Variants in MCF2L observed in about 807,000 individuals in gnomAD.
The protein encoded by MCF2L is guanine nucleotide exchange factor DBS.
MCF2L carries 97 observed loss-of-function variants against 153.4 expected under a neutral mutation model. The observed-to-expected ratio is 0.63, with a 90% CI of 0.54 to 0.75. The LOEUF (loss-of-function observed/expected upper bound fraction) is 0.75, where lower values mean the gene tolerates loss of function less well. Among genes scored for constraint, MCF2L ranks in the 30% least tolerant of loss-of-function variants. MCF2L has a pLI of 0.00. For missense variants in MCF2L, 1,347 were observed against 1,495.2 expected, an observed-to-expected ratio of 0.90 and a Z score of 1.64; for synonymous variants, 659 against 632.2, an observed-to-expected ratio of 1.04 and a Z score of -0.64.
chr13:112,987,345 C>T (rs1183469034), intron 1 of MCF2L, among the ~76,000 whole-genome samples: 1 of 61,942 alleles, frequency 1.6e-5, no homozygotes, highest in African/African-American at 4.8e-5. Flanking sequence ...TCGTTGTCTG[C>T]CCCCTGATCC....
At chr13:113,016,378 C>T (rs530782081) in intron 2 of MCF2L, among the ~76,000 whole-genome samples, 2 of 152,166 alleles carry the variant, frequency 1.3e-5, no homozygotes, top group African/African-American at 2.4e-5. Flanking sequence ...GCCAGGAACC[C>T]GGGGCCTCAA....
At chr13:113,095,623 G>C (rs1404223587) in intron 27 of MCF2L, 11 of 993,202 alleles carry the variant, frequency 1.1e-5, no homozygotes, top group Non-Finnish European at 1.3e-5. Flanking sequence ...TCATGTGAGA[G>C]CAGGTGGCCC....
At position 112,993,729 on chromosome 13, in the gene MCF2L, G is replaced by A. The variant is rs150596715; in HGVS notation, c.80-21034G>A. Among the ~76,000 whole-genome samples the A allele has an allele frequency of 0.012, 1,794 of 152,186 alleles. 35 individuals carry two copies. Among genetic ancestry groups the A allele is most frequent in the African/African-American group, 0.041 (1,718 of 41,480 alleles). Reference sequence around the variant, plus strand: ...AGTCAAGAGAGACTTCAGAGGGAGAGGTTAGGTGATCCCATCCCATTTTAG... The same window carrying A: ...AGTCAAGAGAGACTTCAGAGGGAGAAGTTAGGTGATCCCATCCCATTTTAG... On this transcript the variant is annotated intron_variant, in intron 1 of 29. Coordinates refer to ENST00000535094, the MANE Select transcript of MCF2L (RefSeq NM_001112732.3). This position sits in a 1 kb window ranked among gnomAD's most constrained non-coding sequence, Gnocchi z 4.6.
intron 1 of MCF2L, chr13:112,985,293 C>A (rs1772130705): frequency 4.8e-6 from 2 of 414,142 alleles, no homozygotes; most frequent in African/African-American, 2.0e-5. Flanking sequence ...TTTTAGGGGA[C>A]AAAGTTCAGC....
chr13:113,025,905 G>A (rs796453664), intron 3 of MCF2L, among the ~76,000 whole-genome samples: 845 of 51,002 alleles, frequency 0.017, 28 homozygotes, highest in Middle Eastern at 0.036. Context: ...TTTCCCCATT[G>A]TGGGGTCCCC....
At chr13:112,899,666 C>T (rs1395166361) in intron 1 of MCF2L, among the ~76,000 whole-genome samples, 2 of 152,192 alleles carry the variant, frequency 1.3e-5, no homozygotes, top group Admixed American at 1.3e-4. Flanking sequence ...CCCAAGACTC[C>T]TGGCCCCAGG....
chr13:112,976,436 C>T lies in MCF2L; in HGVS notation c.79+6978C>T, dbSNP rs911108505. On this transcript the variant is annotated intron_variant, in intron 1 of 29. Coordinates refer to ENST00000535094, the MANE Select transcript of MCF2L (RefSeq NM_001112732.3). Reference sequence around the variant, plus strand: ...TGTAAGAATGCCTTATCTTTTAAAACGAAACTTGTCATGGACAATGAAGAG... The same window carrying T: ...TGTAAGAATGCCTTATCTTTTAAAATGAAACTTGTCATGGACAATGAAGAG... Among the ~76,000 whole-genome samples the T allele has an allele frequency of 5.3e-5, 8 of 152,314 alleles. No homozygotes were observed. In the East Asian group the frequency reaches 1.3e-3, roughly 26 times the overall value.
At position 113,035,034 on chromosome 13, in the gene MCF2L, C is replaced by A. The variant is rs1210614948; in HGVS notation, c.279-10237C>A. Among the ~76,000 whole-genome samples, 3 of 152,324 alleles carry A rather than the reference C, an allele frequency of 2.0e-5. No individual in the cohort carries two copies. Among genetic ancestry groups the A allele is most frequent in the South Asian group, 2.1e-4 (1 of 4,828 alleles). On this transcript the variant is annotated intron_variant, in intron 3 of 29. Transcript: ENST00000535094. The surrounding 1 kb of genome is among the most constrained non-coding windows in gnomAD (Gnocchi z 4.4). The stretch of plus-strand genomic sequence containing the variant: ...GGCGGGAAAAGGAGGAAGAGCATGG[C>A]CCCCGTGAAGCCCCTCGGGAGGAAG...
chr13:112,983,895 A>G lies in MCF2L; in HGVS notation c.79+14437A>G, dbSNP rs551997882. Among the ~76,000 whole-genome samples the G allele has an allele frequency of 6.6e-6, 1 of 152,346 alleles. No homozygotes were observed. The highest frequency in any genetic ancestry group is 2.4e-5 in the African/African-American group (1 of 41,578). On this transcript the variant is annotated intron_variant, in intron 1 of 29. Coordinates refer to ENST00000535094, the MANE Select transcript of MCF2L (RefSeq NM_001112732.3). This position sits in a 1 kb window ranked among gnomAD's most constrained non-coding sequence, Gnocchi z 4.0. ...GCACTGAAAAGAGCCCCTTTGGGTT[A>G]GGAGGCAGGTGGACTTCCACTCACA...
intron 2 of MCF2L, among the ~76,000 whole-genome samples, chr13:112,964,034 G>T (rs2081863798): frequency 6.6e-6 from 1 of 151,984 alleles, no homozygotes; most frequent in South Asian, 2.1e-4. Flanking sequence ...ACTGAGAGAG[G>T]TTGGGTTAAC....
At chr13:113,024,409 G>C (rs1594715716) in intron 2 of MCF2L, among the ~76,000 whole-genome samples, 2 of 152,208 alleles carry the variant, frequency 1.3e-5, no homozygotes, top group South Asian at 4.1e-4. Flanking sequence ...CACGGTAGCT[G>C]TCCCATGGTG....
chr13:113,033,181 G>T (rs1190354342), intron 3 of MCF2L, among the ~76,000 whole-genome samples: 2 of 111,594 alleles, frequency 1.8e-5, no homozygotes, highest in Non-Finnish European at 3.7e-5. Context: ...CCCCCATGAC[G>T]TGAGTGGACC....
chr13:112,941,640 G>A lies in MCF2L; in HGVS notation c.169+39269G>A, dbSNP rs779459387. On this transcript the variant is annotated intron_variant, in intron 2 of 29. Transcript: ENST00000375608. The surrounding 1 kb of genome is among the most constrained non-coding windows in gnomAD (Gnocchi z 4.9). ...CCTAAAACCATGGTCCACTGTGGGC[G>A]GCAAGCCACCCAGGTGCCGAGGCAA... is the stretch of plus-strand genomic sequence containing the variant. Among the ~76,000 whole-genome samples, 3 of 151,886 alleles carry A rather than the reference G, an allele frequency of 2.0e-5. No individual in the cohort carries two copies. The highest frequency in any genetic ancestry group is 6.6e-5 in the Admixed American group (1 of 15,238).
In MCF2L at chr13:113,050,293, T is replaced by TGAGA. The variant is rs1450978347; in HGVS notation, c.369+4933_369+4934insAGAG. Among the ~76,000 whole-genome samples the TGAGA allele has an allele frequency of 2.0e-4, 30 of 148,638 alleles. No individual in the cohort carries two copies. In the East Asian group the frequency reaches 5.2e-3, roughly 26 times the overall value. On this transcript the variant is annotated intron_variant, in intron 4 of 29. Transcript: ENST00000535094. ...GTGTGAGACTGTGAGTGTGAGAGTG[T>TGAGA]GTGTGTGTGAGAGTGAGTGTGTGTG...
At chr13:112,918,907 C>T (rs1445438418) in intron 2 of MCF2L, among the ~76,000 whole-genome samples, 1 of 152,168 alleles carries the variant, frequency 6.6e-6, no homozygotes, top group Non-Finnish European at 1.5e-5. Context: ...TGAAGTGCCC[C>T]ATCCTCCGTG....
intron 4 of MCF2L, among the ~76,000 whole-genome samples, chr13:113,047,499 C>T (rs2086889037): frequency 6.6e-6 from 1 of 152,256 alleles, no homozygotes; most frequent in Non-Finnish European, 1.5e-5. Flanking sequence ...TGGGCGGGTC[C>T]CACAATGCTC....
chr13:113,037,394 G>A (rs1167217769), intron 3 of MCF2L, among the ~76,000 whole-genome samples: 1 of 152,188 alleles, frequency 6.6e-6, no homozygotes, highest in Non-Finnish European at 1.5e-5. Flanking sequence ...CATTTGTAGG[G>A]ACCTTGGAGA....
intron 18 of MCF2L, 170 bp from the exon 19 acceptor site, chr13:113,084,722 C>T: frequency 1.6e-6 from 1 of 620,062 alleles, no homozygotes. Flanking sequence ...GCCTGGGAGC[C>T]AGTGCCGGCC....
intron 3 of MCF2L, chr13:113,044,292 C>T (rs1013436843): frequency 6.3e-6 from 2 of 316,946 alleles, no homozygotes; most frequent in Non-Finnish European, 1.2e-5. Context: ...CATGAACGTT[C>T]GGGGGTCACT....
Sources: gnomAD v4.1 joint callset for allele counts (sites outside exome capture counted in the v4.1 genomes callset) on GRCh38, gnomAD v4.1.1 for gene constraint, Gnocchi (gnomAD v3.1) non-coding constraint, MANE v1.5 for transcripts, NCBI Gene and HGNC (gene_info 2026-07-23, HGNC 2026-07-21) for gene names.